The following CYTH4 variants were observed in gnomAD, a reference collection of about 807,000 sequenced individuals.
CYTH4 encodes the protein cytohesin 4, also known as cytohesin-4.
A neutral mutation model predicts 57.5 loss-of-function variants in CYTH4; 22 were observed. That is an observed-to-expected ratio of 0.38 (90% confidence interval 0.27 to 0.55). The LOEUF (loss-of-function observed/expected upper bound fraction) is 0.55. Ranked by LOEUF, CYTH4 falls within the 20% of genes least tolerant of loss-of-function variation. The pLI is 0.74. For missense variants in CYTH4, 420 were observed against 535.6 expected, an observed-to-expected ratio of 0.78 and a Z score of 2.13; for synonymous variants, 186 against 206.5, an observed-to-expected ratio of 0.90 and a Z score of 0.85.
chr22:37,295,105 C>T lies in CYTH4; in HGVS notation c.167+381C>T, dbSNP rs1242839371. ...GGGCCCCAGGAGGACAGGAGCCTGG[C>T]CCTACCCCACCCCACTCACCACTAA... On this transcript the variant is annotated intron_variant, in intron 3 of 12. Transcript: ENST00000248901. The surrounding 1 kb of genome is among the most constrained non-coding windows in gnomAD (Gnocchi z 4.1). Among the ~76,000 whole-genome samples the T allele has an allele frequency of 6.6e-6, 1 of 152,168 alleles. No individual in the cohort carries two copies. Among genetic ancestry groups the T allele is most frequent in the Non-Finnish European group, 1.5e-5 (1 of 68,012 alleles).
intron 6 of CYTH4, chr22:37,300,254 G>A: frequency 1.4e-6 from 1 of 716,674 alleles, no homozygotes; most frequent in Non-Finnish European, 2.6e-6. Context: ...CTAACTCCCA[G>A]CTCTTTAAGG....
At chr22:37,312,715 T>C (rs964645591) in intron 12 of CYTH4, among the ~76,000 whole-genome samples, 2 of 152,112 alleles carry the variant, frequency 1.3e-5, no homozygotes, top group African/African-American at 4.8e-5. Flanking sequence ...TGGGGAGCCA[T>C]AGACTCATAA....
rs1041420515 is a variant in CYTH4 at position 37,313,764 on chromosome 22, A to G, written c.*253A>G. On this transcript the variant is annotated 3_prime_UTR_variant, in exon 13 of 13. Coordinates refer to ENST00000248901, the MANE Select transcript of CYTH4 (RefSeq NM_013385.5). ...TGCAGGCCCCTGCCCTACGTGCACT[A>G]CAGGAAGGGGTGAGGAGAGCAGCCA... The G allele has an allele frequency of 1.9e-5, 10 of 526,496 alleles. 1 individual carries two copies. Among genetic ancestry groups the G allele is most frequent in the East Asian group, 1.6e-4 (5 of 31,176 alleles). 32.6% of individuals were successfully genotyped at this position (526,496 alleles called of 1,614,324 possible). A position where few individuals can be genotyped will look rare whatever the true frequency, so the allele number is the denominator to read the frequency against.
chr22:37,313,996 G>T lies in CYTH4; in HGVS notation c.*485G>T, dbSNP rs1929753145. ...CCTCCCCTGTCCTCGGGTTGGGCTTGGCCCTCTCTGCCTGAGAGAGCTCAG... is the reference window on the plus strand; with the variant it reads ...CCTCCCCTGTCCTCGGGTTGGGCTTTGCCCTCTCTGCCTGAGAGAGCTCAG... On this transcript the variant is annotated 3_prime_UTR_variant, in exon 13 of 13. Coordinates refer to ENST00000248901, the MANE Select transcript of CYTH4 (RefSeq NM_013385.5). 2 of 257,214 alleles carry T rather than the reference G, an allele frequency of 7.8e-6. No homozygotes were observed. Among genetic ancestry groups the T allele is most frequent in the Non-Finnish European group, 1.5e-5 (2 of 134,574 alleles). The allele number at this position is 257,214 out of a possible 1,614,324, so 15.9% of individuals were successfully genotyped here.
At chr22:37,308,673 C>CT (rs1569111842) in intron 8 of CYTH4, among the ~76,000 whole-genome samples, 2 of 143,002 alleles carry the variant, frequency 1.4e-5, no homozygotes, top group Admixed American at 7.0e-5. Context: ...TGTGAGCGTG[C>CT]TTGCATGTGT....
chr22:37,308,553 T>C (rs1929496193), intron 8 of CYTH4, among the ~76,000 whole-genome samples: 1 of 151,740 alleles, frequency 6.6e-6, no homozygotes, highest in African/African-American at 2.4e-5. Context: ...TGTGTGTAAG[T>C]GTGCGTGTGT....
At chr22:37,292,578 G>T (rs1444506640) in intron 1 of CYTH4, 43 bp from the exon 2 acceptor site, 1 of 1,605,666 alleles carries the variant, frequency 6.2e-7, no homozygotes, top group Non-Finnish European at 8.5e-7. Flanking sequence ...AAGTGGGTGT[G>T]GCTGGAGCCA....
chr22:37,290,725 GT>G (rs1424552035), intron 1 of CYTH4, among the ~76,000 whole-genome samples: 1 of 152,166 alleles, frequency 6.6e-6, no homozygotes, highest in African/African-American at 2.4e-5. Flanking sequence ...ATCCAGGATG[GT>G]CTCGATCTCC....
In CYTH4 at chr22:37,313,890, A is replaced by G. The variant is rs1929746705; in HGVS notation, c.*379A>G. 1 of 267,466 alleles carries G rather than the reference A, an allele frequency of 3.7e-6. No homozygotes were observed. The highest frequency in any genetic ancestry group is 7.2e-6 in the Non-Finnish European group (1 of 139,810). 16.6% of individuals were successfully genotyped at this position (267,466 alleles called of 1,614,324 possible). A position where few individuals can be genotyped will look rare whatever the true frequency, so the allele number is the denominator to read the frequency against. ...CTGCACTTAGATGCTGTCAGCCCTCAACGTAGGAGGGGCCGTGGGGTCCCT... is the reference window on the plus strand; with the variant it reads ...CTGCACTTAGATGCTGTCAGCCCTCGACGTAGGAGGGGCCGTGGGGTCCCT... On this transcript the variant is annotated 3_prime_UTR_variant, in exon 13 of 13. Transcript: ENST00000248901.
intron 6 of CYTH4, 75 bp downstream of exon 6, chr22:37,299,381 A>G: frequency 7.8e-7 from 1 of 1,274,152 alleles, no homozygotes; most frequent in South Asian, 1.2e-5. Flanking sequence ...CGCGATCCAC[A>G]TAGCTGACAG....
chr22:37,313,390 A>T (rs776631246), intron 12 of CYTH4, 49 bp from the exon 13 acceptor site: 2 of 1,582,168 alleles, frequency 1.3e-6, no homozygotes, highest in South Asian at 2.2e-5. Flanking sequence ...AGAGCAGACC[A>T]CCTTGACGGC....
intron 1 of CYTH4, among the ~76,000 whole-genome samples, chr22:37,286,655 G>A (rs1374025527): frequency 6.6e-6 from 1 of 152,092 alleles, no homozygotes; most frequent in Admixed American, 6.5e-5. Context: ...GAGAAGGAAG[G>A]GCGTTCTGGG....
intron 1 of CYTH4, among the ~76,000 whole-genome samples, chr22:37,284,984 G>A (rs1928498279): frequency 6.6e-6 from 1 of 152,100 alleles, no homozygotes; most frequent in Non-Finnish European, 1.5e-5. Context: ...ACTCCGCAGA[G>A]CCTGTGGGGC....
chr22:37,303,765 A>C (rs3830145), intron 8 of CYTH4, among the ~76,000 whole-genome samples: 1 of 152,034 alleles, frequency 6.6e-6, no homozygotes, highest in Non-Finnish European at 1.5e-5. Context: ...GACGCTCAGC[A>C]TGTCAGGCCT....
intron 12 of CYTH4, among the ~76,000 whole-genome samples, chr22:37,312,652 C>T (rs1026033696): frequency 6.6e-6 from 1 of 152,206 alleles, no homozygotes; most frequent in Non-Finnish European, 1.5e-5. Context: ...AACTGCTGAG[C>T]ATGACAAAGC....
chr22:37,291,274 G>A (rs1398258461), intron 1 of CYTH4, among the ~76,000 whole-genome samples: 1 of 152,186 alleles, frequency 6.6e-6, no homozygotes, highest in African/African-American at 2.4e-5. Context: ...CGCTGCCTGG[G>A]GACCTGGGCT....
At chr22:37,290,861 G>A (rs117935465) in intron 1 of CYTH4, among the ~76,000 whole-genome samples, 2,254 of 152,292 alleles carry the variant, frequency 0.015, 27 homozygotes, top group Admixed American at 0.021. Context: ...ACTCCTGGGC[G>A]TGGCACCTCC....
chr22:37,305,247 A>G (rs756736535), intron 8 of CYTH4, among the ~76,000 whole-genome samples: 12 of 152,180 alleles, frequency 7.9e-5, no homozygotes, highest in Non-Finnish European at 1.5e-4. Context: ...GTTAATAACA[A>G]TGCACTGCAT....
At chr22:37,299,600 T>G (rs1009801742) in intron 6 of CYTH4, among the ~76,000 whole-genome samples, 2 of 152,242 alleles carry the variant, frequency 1.3e-5, no homozygotes, top group African/African-American at 4.8e-5. Flanking sequence ...TCTCCTACTT[T>G]TTGGATTAGT....
Sources: allele counts gnomAD v4.1 joint callset (sites outside exome capture counted in the v4.1 genomes callset), GRCh38; gene constraint gnomAD v4.1.1; non-coding constraint Gnocchi (gnomAD v3.1); transcripts MANE v1.5; gene names NCBI Gene and HGNC (gene_info 2026-07-23, HGNC 2026-07-21).